The following HCN1 variants were observed in gnomAD, a reference collection of about 807,000 sequenced individuals.
HCN1 encodes the protein potassium/sodium hyperpolarization-activated cyclic nucleotide-gated channel 1.
HCN1 carries 13 observed loss-of-function variants against 78.9 expected under a neutral mutation model. The observed-to-expected ratio is 0.16, with a 90% CI of 0.11 to 0.26. The LOEUF (loss-of-function observed/expected upper bound fraction) is 0.26, where lower values mean the gene tolerates loss of function less well. Ranked by LOEUF, HCN1 falls within the 10% of genes least tolerant of loss-of-function variation. The probability of loss-of-function intolerance (pLI) is 1.00; values close to 1 mark genes in which losing one functional copy is unlikely to be tolerated. For missense variants in HCN1, 810 were observed against 1,154.3 expected, an observed-to-expected ratio of 0.70 and a Z score of 4.32; for synonymous variants, 552 against 455.5, an observed-to-expected ratio of 1.21 and a Z score of -2.70.
intron 2 of HCN1, among the ~76,000 whole-genome samples, chr5:45,506,041 G>C (rs1742289278): frequency 6.6e-6 from 1 of 152,042 alleles, no homozygotes; most frequent in Admixed American, 6.6e-5. Context: ...GGATAGTATA[G>C]TTATGTTCAC....
chr5:45,303,890 G>T, intron 5 of HCN1, 51 bp from the exon 6 acceptor site: 1 of 1,504,282 alleles, frequency 6.6e-7, no homozygotes. Context: ...AATCATATCT[G>T]GAAGAAAAAC....
At chr5:45,615,418 G>A (rs1213848686) in intron 2 of HCN1, among the ~76,000 whole-genome samples, 3 of 151,930 alleles carry the variant, frequency 2.0e-5, no homozygotes, top group Non-Finnish European at 2.9e-5. Context: ...ACAATACTGG[G>A]ATATGTTTTA....
At chr5:45,331,312 T>C (rs1746339965) in intron 5 of HCN1, among the ~76,000 whole-genome samples, 1 of 151,226 alleles carries the variant, frequency 6.6e-6, no homozygotes, top group South Asian at 2.1e-4. Flanking sequence ...AAAGCATAAT[T>C]TAATACACCA....
intron 1 of HCN1, among the ~76,000 whole-genome samples, chr5:45,654,310 T>TA (rs1467620759): frequency 6.6e-6 from 1 of 152,128 alleles, no homozygotes; most frequent in Admixed American, 6.6e-5. Flanking sequence ...ATTTTCCATT[T>TA]AAAAAATCCT....
intron 1 of HCN1, among the ~76,000 whole-genome samples, chr5:45,664,056 C>G (rs1283307598): frequency 1.5e-5 from 2 of 131,552 alleles, no homozygotes; most frequent in Non-Finnish European, 3.2e-5. Context: ...TTGGAACCAA[C>G]CCAAATGTCC....
At chr5:45,437,870 T>G (rs1275123578) in intron 3 of HCN1, among the ~76,000 whole-genome samples, 2 of 152,038 alleles carry the variant, frequency 1.3e-5, no homozygotes, top group Non-Finnish European at 2.9e-5. Context: ...TCTGACAGAG[T>G]CAGTACAGAA....
At chr5:45,617,208 T>C (rs1249135637) in intron 2 of HCN1, 1 of 152,120 alleles carries the variant, frequency 6.6e-6, no homozygotes, top group African/African-American at 2.4e-5. Context: ...GTTAGAAATG[T>C]GTGACCTTGG....
At chr5:45,498,454 T>C (rs1742101052) in intron 2 of HCN1, among the ~76,000 whole-genome samples, 1 of 152,208 alleles carries the variant, frequency 6.6e-6, no homozygotes, top group African/African-American at 2.4e-5. Flanking sequence ...TTTAAGCACT[T>C]CTCTGTATTG....
chr5:45,431,935 A>G (rs1404623386), intron 3 of HCN1, among the ~76,000 whole-genome samples: 1 of 152,158 alleles, frequency 6.6e-6, no homozygotes, highest in Non-Finnish European at 1.5e-5. Flanking sequence ...TTGATTTCAT[A>G]TGAATTTTAA....
intron 2 of HCN1, among the ~76,000 whole-genome samples, chr5:45,577,140 C>T (rs1306557553): frequency 6.6e-6 from 1 of 151,984 alleles, no homozygotes; most frequent in Non-Finnish European, 1.5e-5. Context: ...TATTAACCTG[C>T]TAGTACAATC....
chr5:45,483,765 A>T (rs1173068467), intron 2 of HCN1, among the ~76,000 whole-genome samples: 2 of 152,076 alleles, frequency 1.3e-5, no homozygotes, highest in Non-Finnish European at 2.9e-5. Flanking sequence ...TTATATTTAA[A>T]TCTTTAATCC....
At chr5:45,616,577 T>C (rs1402863678) in intron 2 of HCN1, among the ~76,000 whole-genome samples, 3 of 152,132 alleles carry the variant, frequency 2.0e-5, no homozygotes, top group Non-Finnish European at 4.4e-5. Flanking sequence ...TTCAAAGTGA[T>C]ATATTCAGTA....
At chr5:45,687,268 A>G (rs1348890553) in intron 1 of HCN1, among the ~76,000 whole-genome samples, 6 of 152,168 alleles carry the variant, frequency 3.9e-5, no homozygotes, top group Non-Finnish European at 7.4e-5. Context: ...TAAGTATTCC[A>G]TAAGTTCCTC....
At chr5:45,514,213 AT>A (rs1176619194) in intron 2 of HCN1, among the ~76,000 whole-genome samples, 3 of 152,162 alleles carry the variant, frequency 2.0e-5, no homozygotes, top group African/African-American at 7.2e-5. Flanking sequence ...ATGAATTCTG[AT>A]TGAAAACCTA....
intron 3 of HCN1, among the ~76,000 whole-genome samples, chr5:45,418,171 T>C (rs2112064009): frequency 6.6e-6 from 1 of 152,018 alleles, no homozygotes; most frequent in South Asian, 2.1e-4. Context: ...TCGTTATTTA[T>C]CTTTTAATCT....
intron 5 of HCN1, among the ~76,000 whole-genome samples, chr5:45,341,914 T>A (rs1168111305): frequency 3.3e-5 from 5 of 152,176 alleles, no homozygotes; most frequent in Admixed American, 1.3e-4. Flanking sequence ...AGAGTTTTGA[T>A]GGGAGATCAT....
chr5:45,655,696 G>T (rs189805996), intron 1 of HCN1, among the ~76,000 whole-genome samples: 46 of 152,182 alleles, frequency 3.0e-4, no homozygotes, highest in Non-Finnish European at 2.9e-5. Context: ...CTGAGAGTTT[G>T]CCTACATTCC....
intron 4 of HCN1, among the ~76,000 whole-genome samples, chr5:45,374,098 A>AATATATATTATATACATAATATATATT (rs1747525374): frequency 1.2e-5 from 1 of 81,784 alleles, no homozygotes; most frequent in Non-Finnish European, 2.3e-5. Context: ...ATATGTATAT[A>AATATATATTATATACATAATATATATT]ATATATATTA....
chr5:45,640,267 T>A (rs1231690092), intron 2 of HCN1, among the ~76,000 whole-genome samples: 2 of 152,150 alleles, frequency 1.3e-5, no homozygotes, highest in East Asian at 3.9e-4. Flanking sequence ...CTCTTATTAT[T>A]ATTTAACGGA....
Sources: allele counts gnomAD v4.1 joint callset (sites outside exome capture counted in the v4.1 genomes callset), GRCh38; gene constraint gnomAD v4.1.1; transcripts MANE v1.5; gene names NCBI Gene and HGNC (gene_info 2026-07-23, HGNC 2026-07-21).